Variants in EPHB1 observed in about 807,000 individuals in gnomAD.
EPHB1 encodes EPH receptor B1.
Under a neutral mutation model 94.4 loss-of-function variants are expected in EPHB1, and 30 were observed. That is an observed-to-expected ratio of 0.32 (90% CI 0.24 to 0.43). EPHB1 has a LOEUF of 0.43. Ranked by LOEUF, EPHB1 falls within the 20% of genes least tolerant of loss-of-function variation. EPHB1 has a pLI of 1.00. For missense variants in EPHB1, 1,055 were observed against 1,308.3 expected (o/e 0.81, Z 2.99); for synonymous variants, 522 against 489.1 (o/e 1.07, Z -0.89).
chr3:135,104,541 C>A (rs1939141679), intron 3 of EPHB1, among the ~76,000 whole-genome samples: 1 of 152,186 alleles, frequency 6.6e-6, no homozygotes, highest in South Asian at 2.1e-4. Context: ...ACCTGGGAAA[C>A]AACATTCACT....
chr3:134,814,564 A>T (rs1317268031), intron 1 of EPHB1, among the ~76,000 whole-genome samples: 2 of 152,184 alleles, frequency 1.3e-5, no homozygotes, highest in Non-Finnish European at 2.9e-5. Context: ...GCTGATAGAA[A>T]AGGCAGGGCA....
intron 3 of EPHB1, among the ~76,000 whole-genome samples, chr3:135,027,223 T>C (rs1936217024): frequency 1.3e-5 from 2 of 152,204 alleles, no homozygotes; most frequent in South Asian, 4.1e-4. Context: ...TCCTGCCTAA[T>C]TGCCCTGGCC....
rs550325986 is a variant in EPHB1, at chr3:135,201,415, C to A, written c.2131-59C>A. On this transcript the variant is annotated intron_variant, in intron 11 of 15. Transcript: ENST00000398015. ...CAAGCAGCAGGGCCACAACATCTCT[C>A]CCTCTGCTTAACCATTGAAGCCCGT... The A allele has an allele frequency of 2.9e-5, 45 of 1,562,068 alleles. No individual in the cohort carries two copies. The East Asian group carries it at 9.7e-4, about 34-fold the overall frequency.
chr3:134,966,150 CCTT>C (rs1407193753), intron 3 of EPHB1, among the ~76,000 whole-genome samples: 5 of 152,334 alleles, frequency 3.3e-5, no homozygotes, highest in East Asian at 3.9e-4. Flanking sequence ...TCACTCTCCT[CCTT>C]CTCTCTGTCT....
chr3:135,118,586 C>T (rs1450415632), intron 4 of EPHB1, among the ~76,000 whole-genome samples: 1 of 152,218 alleles, frequency 6.6e-6, no homozygotes, highest in Non-Finnish European at 1.5e-5. Context: ...CAGTGCTAGT[C>T]TACTTCCCTC....
At chr3:135,006,766 T>C (rs889245687) in intron 3 of EPHB1, among the ~76,000 whole-genome samples, 3 of 152,172 alleles carry the variant, frequency 2.0e-5, no homozygotes, top group Non-Finnish European at 2.9e-5. Flanking sequence ...TTCCCAGAAA[T>C]GGGGTTACAA....
Position 134,946,333 on chromosome 3 carries a change from T to C in EPHB1, c.124-5038T>C, listed in dbSNP as rs78145626. 8.5e-5 allele frequency among the ~76,000 whole-genome samples: 13 copies of C among 152,338 alleles called. No individual in the cohort carries two copies. In the East Asian group the frequency reaches 2.5e-3, roughly 29 times the overall value. ...CAGGATGAAGTTCAAAATTCTCAAC[T>C]GGATTCATCTTCCTCTCAGTCCTGT... On this transcript the variant is annotated intron_variant, in intron 2 of 15. Coordinates refer to ENST00000398015, the MANE Select transcript of EPHB1 (RefSeq NM_004441.5).
chr3:135,150,620 G>A (rs1342494612), intron 5 of EPHB1, among the ~76,000 whole-genome samples: 2 of 152,076 alleles, frequency 1.3e-5, no homozygotes, highest in African/African-American at 4.8e-5. Flanking sequence ...TGGTTTCTAG[G>A]CGATCACACT....
intron 1 of EPHB1, among the ~76,000 whole-genome samples, chr3:134,920,458 T>G (rs1420834691): frequency 6.6e-6 from 1 of 152,190 alleles, no homozygotes; most frequent in African/African-American, 2.4e-5. Flanking sequence ...ACGGTGGCGC[T>G]AGCCCTGTCC....
At chr3:134,844,013 TC>T in intron 1 of EPHB1, among the ~76,000 whole-genome samples, 1 of 152,212 alleles carries the variant, frequency 6.6e-6, no homozygotes, top group Non-Finnish European at 1.5e-5. Flanking sequence ...TTATAGCAAC[TC>T]TGAGTGTTAT....
chr3:135,079,642 T>C (rs1938089738), intron 3 of EPHB1, among the ~76,000 whole-genome samples: 1 of 152,150 alleles, frequency 6.6e-6, no homozygotes, highest in Non-Finnish European at 1.5e-5. Flanking sequence ...GCAGCTCTCC[T>C]TCTCTTTCTC....
intron 11 of EPHB1, among the ~76,000 whole-genome samples, chr3:135,194,160 G>A (rs1009519037): frequency 6.6e-6 from 1 of 152,132 alleles, no homozygotes; most frequent in African/African-American, 2.4e-5. Flanking sequence ...AGATACAAGG[G>A]GAGAAAACAG....
intron 3 of EPHB1, among the ~76,000 whole-genome samples, chr3:135,064,685 C>G (rs1451879267): frequency 6.6e-6 from 1 of 151,452 alleles, no homozygotes; most frequent in Non-Finnish European, 1.5e-5. Context: ...TTTTTTTAAA[C>G]TGTTGTTTCA....
chr3:134,795,661 C>T lies in EPHB1; in HGVS notation c.30C>T (p.Leu10=), dbSNP rs774849580. ...CCCTGGATTATCTACTACTGCTCCT[C>T]CTGGCATCCGCAGTGGCTGCGATGG... MALDYLLLL[L]LASAVAAMEE... The change falls in exon 1 of 16, where the codon CTC becomes CTT. Residue 10 remains leucine, a synonymous_variant. Transcript: ENST00000398015. 13 of 1,609,694 alleles carry T rather than the reference C, an allele frequency of 8.1e-6. No homozygotes were observed. The highest frequency in any genetic ancestry group is 4.1e-5 in the African/African-American group (3 of 73,946).
At chr3:134,912,897 G>GA (rs1412421905) in intron 1 of EPHB1, among the ~76,000 whole-genome samples, 1 of 152,250 alleles carries the variant, frequency 6.6e-6, no homozygotes, top group Non-Finnish European at 1.5e-5. Context: ...ATGTGGGCAT[G>GA]AAAGGGTATC....
At chr3:135,044,977 T>C (rs1297494126) in intron 3 of EPHB1, among the ~76,000 whole-genome samples, 1 of 152,210 alleles carries the variant, frequency 6.6e-6, no homozygotes, top group Non-Finnish European at 1.5e-5. Flanking sequence ...ACAAGATAGG[T>C]TCCGGAGATG....
intron 3 of EPHB1, among the ~76,000 whole-genome samples, chr3:134,967,725 C>T (rs1211045358): frequency 1.3e-5 from 2 of 152,138 alleles, no homozygotes; most frequent in South Asian, 2.1e-4. Flanking sequence ...TATTAATTAC[C>T]TAGTCTCAGG....
chr3:135,055,712 T>G (rs1937328037), intron 3 of EPHB1, among the ~76,000 whole-genome samples: 1 of 151,892 alleles, frequency 6.6e-6, no homozygotes, highest in South Asian at 2.2e-4. Context: ...CACCCGGGGT[T>G]GTTGTGGGAG....
At chr3:135,052,234 G>A (rs1937189299) in intron 3 of EPHB1, among the ~76,000 whole-genome samples, 3 of 152,116 alleles carry the variant, frequency 2.0e-5, no homozygotes. Flanking sequence ...CCCATTGAAT[G>A]AACTTGATGG....
Sources: allele counts gnomAD v4.1 joint callset (sites outside exome capture counted in the v4.1 genomes callset), GRCh38; gene constraint gnomAD v4.1.1; transcripts MANE v1.5; gene names NCBI Gene and HGNC (gene_info 2026-07-23, HGNC 2026-07-21).